The following ADAMTS7 variants were observed in gnomAD, a reference collection of about 807,000 sequenced individuals.
The protein encoded by ADAMTS7 is ADAM metallopeptidase with thrombospondin type 1 motif 7, also known as A disintegrin and metalloproteinase with thrombospondin motifs 7.
In ADAMTS7, 89 loss-of-function variants were observed where a neutral mutation model predicts 172.6. That is an observed-to-expected ratio of 0.52 (90% CI 0.43 to 0.61). The LOEUF (loss-of-function observed/expected upper bound fraction) is 0.61. ADAMTS7 is among the 20% of genes least tolerant of loss of function. ADAMTS7 has a pLI of 0.00. For synonymous variants in ADAMTS7, 885 were observed against 978.4 expected (o/e 0.90, Z 1.78); for missense variants, 1,973 against 2,355.6 (o/e 0.84, Z 3.36).
chr15:78,763,702 GC>G lies in ADAMTS7; in HGVS notation c.4736del (p.Gly1579AlafsTer136). On this transcript the variant is annotated frameshift_variant, in exon 22 of 24. Transcript: ENST00000388820. LOFTEE classifies it high-confidence loss of function. ...TCCTCCCCGCAGCCCGGCTCACCTG[GC>G]CCCAGGGCCCCACCACCCACTGCGT... ...PCTQWVVGPW[G>X]QCSGPCGGGV... 1 of 1,532,526 alleles carries G rather than the reference GC, an allele frequency of 6.5e-7. No homozygotes were observed. 94.9% of individuals were successfully genotyped at this position (1,532,526 alleles called of 1,614,324 possible). A position where few individuals can be genotyped will look rare whatever the true frequency, so the allele number is the denominator to read the frequency against.
At chr15:78,806,086 C>T (rs868315108) in intron 1 of ADAMTS7, among the ~76,000 whole-genome samples, 72 of 100,522 alleles carry the variant, frequency 7.2e-4, no homozygotes, top group Middle Eastern at 5.1e-3. Flanking sequence ...ACTCCCCCCC[C>T]CAAAAACACA....
rs2055665688 is a variant in ADAMTS7 at position 78,797,819 on chromosome 15, C to T, written c.622+129G>A. On this transcript the variant is annotated intron_variant, in intron 3 of 23. Coordinates refer to ENST00000388820, the MANE Select transcript of ADAMTS7 (RefSeq NM_014272.5). Reference sequence around the variant, plus strand: ...AGGGCACAGGCTATGGTAAAGTATCCATCTGTCTGTCTGTGTCATCTGGTC... The same window carrying T: ...AGGGCACAGGCTATGGTAAAGTATCTATCTGTCTGTCTGTGTCATCTGGTC... 4.7e-6 allele frequency: 5 copies of T among 1,064,382 alleles called. No individual in the cohort carries two copies. In the South Asian group the frequency reaches 7.6e-5, roughly 16 times the overall value. The allele number at this position is 1,064,382 out of a possible 1,614,324, so 65.9% of individuals were successfully genotyped here.
chr15:78,759,632 C>A (rs1794826969), intron 23 of ADAMTS7, 54 bp from the exon 24 acceptor site: 9 of 1,489,020 alleles, frequency 6.0e-6, no homozygotes, highest in Non-Finnish European at 8.0e-6. Flanking sequence ...GTACCCAGAA[C>A]CTGGCTCCCT....
chr15:78,763,363 C>G (rs2141469611), intron 22 of ADAMTS7, among the ~76,000 whole-genome samples: 1 of 152,316 alleles, frequency 6.6e-6, no homozygotes, highest in East Asian at 1.9e-4. Context: ...CTGGCCTTTG[C>G]CGGGCTCCCC....
intron 8 of ADAMTS7, among the ~76,000 whole-genome samples, 176 bp from the exon 9 acceptor site, chr15:78,777,764 G>A (rs910181529): frequency 6.6e-6 from 1 of 152,140 alleles, no homozygotes; most frequent in Non-Finnish European, 1.5e-5. Context: ...AGCAGCACAG[G>A]CCCTCCCGGC....
rs1372055578 is a variant in ADAMTS7 at position 78,776,175 on chromosome 15, G to A, written c.1706+13C>T. 4.4e-6 allele frequency: 7 copies of A among 1,602,454 alleles called. No individual in the cohort carries two copies. Among genetic ancestry groups the A allele is most frequent in the Non-Finnish European group, 6.0e-6 (7 of 1,173,918 alleles). On this transcript the variant is annotated intron_variant, in intron 11 of 23. Transcript: ENST00000388820. ...GTCCCACTGCCCAAGGGCACCCTGG[G>A]CCCCACACTCACGTAGGCTGCGTGC... is the stretch of plus-strand genomic sequence containing the variant.
chr15:78,772,048 G>A (rs1235476224), intron 14 of ADAMTS7, among the ~76,000 whole-genome samples: 4 of 151,888 alleles, frequency 2.6e-5, no homozygotes, highest in African/African-American at 4.8e-5. Flanking sequence ...CTCCTCTCTT[G>A]GGGACCTACA....
At position 78,763,855 on chromosome 15, in the gene ADAMTS7, C is replaced by G; in HGVS notation, c.4594-10G>C. On this transcript the variant is annotated splice_polypyrimidine_tract_variant and intron_variant, in intron 21 of 23. Transcript: ENST00000388820. ...CACAGGCCTCGGAGCACTGGGTGGG[C>G]AGGGAAGGAGTCAGGGCACAGCCAG... 1.3e-6 allele frequency: 2 copies of G among 1,580,896 alleles called. No individual in the cohort carries two copies. Among genetic ancestry groups the G allele is most frequent in the African/African-American group, 1.3e-5 (1 of 74,706 alleles).
chr15:78,786,926 A>C (rs1042988017), intron 8 of ADAMTS7, among the ~76,000 whole-genome samples: 2 of 151,992 alleles, frequency 1.3e-5, no homozygotes, highest in Admixed American at 6.5e-5. Flanking sequence ...CAGCCTACTC[A>C]ACATGAAGAG....
In ADAMTS7 at chr15:78,764,015, G is replaced by A; in HGVS notation, c.4504C>T (p.His1502Tyr). Residue 1502 changes from histidine to tyrosine, a missense_variant, in exon 21 of 24, where the codon CAT (histidine) becomes TAT (tyrosine). Around this residue, in one of 8 missense-constraint regions of ADAMTS7, gnomAD observed 218 missense variants for 216.9 expected, o/e 1.01. Coordinates refer to ENST00000388820, the MANE Select transcript of ADAMTS7 (RefSeq NM_014272.5). ...GGCTTGGCAGGCCCGGGCTGACAAT[G>A]GAAGGGCCGCAGTGGCCGGAGGTCC... ...TRDLRPLRPFHCQPGPAKPPA... is the reference protein window; with the variant it reads ...TRDLRPLRPFYCQPGPAKPPA... 26 of 1,543,014 alleles carry A rather than the reference G, an allele frequency of 1.7e-5. No individual in the cohort carries two copies. The highest frequency in any genetic ancestry group is 2.2e-5 in the Non-Finnish European group (25 of 1,143,162).
chr15:78,795,045 G>C (rs912782135), intron 4 of ADAMTS7, among the ~76,000 whole-genome samples: 2 of 152,336 alleles, frequency 1.3e-5, no homozygotes, highest in East Asian at 3.9e-4. Context: ...CCAGAATCTG[G>C]AGCATAGGGG....
chr15:78,798,067 A>T lies in ADAMTS7; in HGVS notation c.503T>A (p.Leu168Gln). 1 of 1,567,860 alleles carries T rather than the reference A, an allele frequency of 6.4e-7. No individual in the cohort carries two copies. Among genetic ancestry groups the T allele is most frequent in the Non-Finnish European group, 8.6e-7 (1 of 1,164,508 alleles). ...GCCAGGCCGGGCCGGGGCACTGTCCAGGGGCTCAATGAAGTAGTCCTCGTT... is the reference window on the plus strand; with the variant it reads ...GCCAGGCCGGGCCGGGGCACTGTCCTGGGGCTCAATGAAGTAGTCCTCGTT... Reference protein sequence around the residue: ...LSNEDYFIEPLDSAPARPGHA... With the variant: ...LSNEDYFIEPQDSAPARPGHA... Residue 168 changes from leucine to glutamine, a missense_variant, in exon 3 of 24, where the codon CTG becomes CAG. By Grantham distance (113) the Leu-to-Gln change is moderately radical. Coordinates refer to ENST00000388820, the MANE Select transcript of ADAMTS7 (RefSeq NM_014272.5).
At chr15:78,777,174 C>G (rs2141491730) in intron 9 of ADAMTS7, 7 of 577,292 alleles carry the variant, frequency 1.2e-5, no homozygotes, top group Middle Eastern at 9.2e-4. Flanking sequence ...GGTTCCTTTT[C>G]CCTCTTATAA....
chr15:78,797,607 C>T (rs1344869577), intron 3 of ADAMTS7, among the ~76,000 whole-genome samples: 1 of 152,158 alleles, frequency 6.6e-6, no homozygotes, highest in Non-Finnish European at 1.5e-5. Context: ...CACAGCTCAC[C>T]CGGCCTGGGC....
intron 1 of ADAMTS7, among the ~76,000 whole-genome samples, chr15:78,806,142 A>ACC (rs2055793073): frequency 7.2e-6 from 1 of 138,822 alleles, no homozygotes. Flanking sequence ...AAAAAAAAAA[A>ACC]AAAAAAAAAA....
In ADAMTS7 at chr15:78,771,113, C is replaced by T. The variant is rs1398921409; in HGVS notation, c.2518+49G>A. ...TGGGAGCTGAAGCCAGTGTCCCTGT[C>T]CAGACACTAAGCCCCTGCAGGTGGG... On this transcript the variant is annotated intron_variant, in intron 16 of 23. Transcript: ENST00000388820. This position sits in a 1 kb window ranked among gnomAD's most constrained non-coding sequence, Gnocchi z 4.9. The T allele has an allele frequency of 6.5e-7, 1 of 1,539,688 alleles. No individual in the cohort carries two copies. Among genetic ancestry groups the T allele is most frequent in the Middle Eastern group, 2.3e-4 (1 of 4,310 alleles).
At chr15:78,805,557 A>G (rs1348613349) in intron 1 of ADAMTS7, among the ~76,000 whole-genome samples, 1 of 152,152 alleles carries the variant, frequency 6.6e-6, no homozygotes, top group East Asian at 1.9e-4. Context: ...CTTTCCCATC[A>G]TGCTTGTGTT....
At chr15:78,772,607 C>T (rs1160559772) in intron 14 of ADAMTS7, among the ~76,000 whole-genome samples, 1 of 152,252 alleles carries the variant, frequency 6.6e-6, no homozygotes, top group Non-Finnish European at 1.5e-5. Context: ...CAGGCCAGGA[C>T]CTTCTTCCTC....
chr15:78,770,504 A>T (rs1162915041), intron 16 of ADAMTS7: 2 of 34,118 alleles, frequency 5.9e-5, no homozygotes, highest in African/African-American at 2.3e-4. Flanking sequence ...GGTGGGGGGG[A>T]CTAGGGGGCT....
Sources: gnomAD v4.1 joint callset for allele counts (sites outside exome capture counted in the v4.1 genomes callset) on GRCh38, gnomAD v4.1.1 for gene constraint, gnomAD v4.1.1 regional missense constraint, Gnocchi (gnomAD v3.1) non-coding constraint, MANE v1.5 for transcripts, NCBI Gene and HGNC (gene_info 2026-07-23, HGNC 2026-07-21) for gene names.